The following PCLO variants were observed in gnomAD, a reference collection of about 807,000 sequenced individuals.
PCLO encodes protein piccolo.
PCLO carries 82 observed loss-of-function variants against 427.5 expected under a neutral mutation model. The ratio of observed to expected loss-of-function variants is 0.19; its 90% CI spans 0.16 to 0.23. PCLO has a LOEUF of 0.23. Among genes scored for constraint, PCLO ranks in the 10% least tolerant of loss-of-function variants. PCLO has a pLI of 1.00. For synonymous variants in PCLO, 2,357 were observed against 2,155.4 expected, an observed-to-expected ratio of 1.09 and a Z score of -2.59; for missense variants, 6,239 against 6,115.9, an observed-to-expected ratio of 1.02 and a Z score of -0.67.
At chr7:82,764,404 C>A (rs893273919) in intron 22 of PCLO, among the ~76,000 whole-genome samples, 7 of 151,798 alleles carry the variant, frequency 4.6e-5, no homozygotes, top group Non-Finnish European at 5.9e-5. Flanking sequence ...ACATAACATA[C>A]ACAATGATTA....
At chr7:82,897,052 A>G (rs928077265) in intron 9 of PCLO, among the ~76,000 whole-genome samples, 129 of 151,662 alleles carry the variant, frequency 8.5e-4, no homozygotes, top group Admixed American at 5.9e-4. Context: ...TTTGAGCATC[A>G]CATTTTGTTC....
At chr7:82,862,036 C>T (rs781049765) in intron 10 of PCLO, among the ~76,000 whole-genome samples, 47 of 151,726 alleles carry the variant, frequency 3.1e-4, no homozygotes, top group African/African-American at 9.9e-4. Context: ...AATCTAATGA[C>T]GCATCTTAAA....
At chr7:82,760,056 G>A (rs959462512) in intron 24 of PCLO, among the ~76,000 whole-genome samples, 2 of 151,908 alleles carry the variant, frequency 1.3e-5, no homozygotes, top group African/African-American at 2.4e-5. Context: ...AGCTTTGAAG[G>A]GGAGAAAAAA....
intron 10 of PCLO, among the ~76,000 whole-genome samples, chr7:82,877,466 T>C (rs1215694751): frequency 3.3e-5 from 5 of 152,164 alleles, no homozygotes; most frequent in Non-Finnish European, 5.9e-5. Flanking sequence ...TCTTAATTTA[T>C]ATATCCTTAT....
intron 22 of PCLO, 41 bp downstream of exon 22, chr7:82,801,477 G>T: frequency 3.0e-6 from 3 of 998,668 alleles, no homozygotes; most frequent in South Asian, 1.3e-5. Context: ...ACTGTAGAAT[G>T]CAGATTCAGC....
intron 3 of PCLO, among the ~76,000 whole-genome samples, chr7:82,987,490 A>G (rs1796282615): frequency 6.6e-6 from 1 of 152,084 alleles, no homozygotes; most frequent in Non-Finnish European, 1.5e-5. Flanking sequence ...ATTGTATGCC[A>G]AGAATAAGTA....
intron 7 of PCLO, among the ~76,000 whole-genome samples, chr7:82,913,140 ATTTTATTCAATTAAC>A (rs2116251731): frequency 6.6e-6 from 1 of 152,180 alleles, no homozygotes; most frequent in East Asian, 1.9e-4. Flanking sequence ...CAAATTGAGT[ATTTTATTCAATTAAC>A]TAATTGTCAA....
Position 83,162,872 on chromosome 7 carries a change from G to T in PCLO, c.-280C>A, listed in dbSNP as rs573429743. The T allele has an allele frequency of 7.6e-5, 37 of 489,722 alleles. No homozygotes were observed. The highest frequency in any genetic ancestry group is 5.4e-4 in the Middle Eastern group (1 of 1,866). 30.3% of individuals were successfully genotyped at this position (489,722 alleles called of 1,614,324 possible). A position where few individuals can be genotyped will look rare whatever the true frequency, so the allele number is the denominator to read the frequency against. On this transcript the variant is annotated 5_prime_UTR_variant, in exon 1 of 25. Coordinates refer to ENST00000333891, the MANE Select transcript of PCLO (RefSeq NM_033026.6). ...CGCCGCCTCGGCGCCCCGAGCCGGG[G>T]AGAAGCAGATCTGAGCGGTGCCAGC...
chr7:82,928,003 T>C (rs1038843710), intron 6 of PCLO, among the ~76,000 whole-genome samples: 2 of 152,202 alleles, frequency 1.3e-5, no homozygotes, highest in African/African-American at 4.8e-5. Context: ...ATTTATTCAT[T>C]TATCTATGTG....
intron 3 of PCLO, among the ~76,000 whole-genome samples, chr7:83,116,956 A>G (rs939142313): frequency 2.0e-5 from 3 of 152,222 alleles, no homozygotes; most frequent in African/African-American, 4.8e-5. Context: ...TCAATGGATG[A>G]ATGAATAAAG....
intron 22 of PCLO, among the ~76,000 whole-genome samples, chr7:82,777,028 A>G (rs1790768947): frequency 6.6e-6 from 1 of 151,840 alleles, no homozygotes; most frequent in African/African-American, 2.4e-5. Flanking sequence ...TTTAATGTTG[A>G]TGTTTAGTGC....
chr7:83,124,072 T>C (rs370954844), intron 3 of PCLO, among the ~76,000 whole-genome samples: 1 of 151,080 alleles, frequency 6.6e-6, no homozygotes, highest in East Asian at 2.0e-4. Flanking sequence ...ACTTCAGTAC[T>C]TTGGGAGGCG....
Position 82,863,903 on chromosome 7 carries a change from A to T in PCLO, c.13654+15434T>A, listed in dbSNP as rs910206017. 3.9e-5 allele frequency among the ~76,000 whole-genome samples: 6 copies of T among 152,066 alleles called. No homozygotes were observed. In the East Asian group the frequency reaches 5.8e-4, roughly 15 times the overall value. On this transcript the variant is annotated intron_variant, in intron 10 of 24. Coordinates refer to ENST00000333891, the MANE Select transcript of PCLO (RefSeq NM_033026.6). ...ACCTTCGGTATTAATAAGGAGCACCAATACAGGACTCACACAAAAAAGTTA... is the reference window on the plus strand; with the variant it reads ...ACCTTCGGTATTAATAAGGAGCACCTATACAGGACTCACACAAAAAAGTTA...
chr7:82,758,483 C>T lies in PCLO; in HGVS notation c.*92G>A, dbSNP rs1344701477. 5.5e-6 allele frequency: 6 copies of T among 1,091,466 alleles called. No homozygotes were observed. Among genetic ancestry groups the T allele is most frequent in the Non-Finnish European group, 7.7e-6 (6 of 781,086 alleles). 67.6% of individuals were successfully genotyped at this position (1,091,466 alleles called of 1,614,324 possible). A position where few individuals can be genotyped will look rare whatever the true frequency, so the allele number is the denominator to read the frequency against. The stretch of plus-strand genomic sequence containing the variant: ...GTTGTTCCCACTCTTATGTTTGCCT[C>T]TCAAAACTTAGCTTTGTACAATAGT... On this transcript the variant is annotated 3_prime_UTR_variant, in exon 25 of 25. Transcript: ENST00000333891.
chr7:82,820,531 A>T (rs1791766666), intron 20 of PCLO: 2 of 1,224,328 alleles, frequency 1.6e-6, no homozygotes, highest in African/African-American at 1.6e-5. Flanking sequence ...GGAGATTCAC[A>T]TGCCCAACAC....
chr7:82,952,942 T>G lies in PCLO; in HGVS notation c.8011A>C (p.Thr2671Pro), dbSNP rs10261848. ...ACCTCAGTCTTGGAAACTTCAGTAG[T>G]GAGAAACTGTGTAACTGATGTGGGA... ...AAPTSVTQFL[T>P]TEVSKTEVSA... Residue 2671 changes from threonine to proline, a missense_variant, in exon 5 of 25, where the codon ACT becomes CCT. By Grantham distance (38) the Thr-to-Pro change is conservative (BLOSUM62 -1). Around this residue, in one of 5 missense-constraint regions of PCLO, gnomAD observed 4,677 missense variants for 4,468.4 expected, o/e 1.05. Coordinates refer to ENST00000333891, the MANE Select transcript of PCLO (RefSeq NM_033026.6). 17,935 of 1,613,720 alleles carry G rather than the reference T, an allele frequency of 0.011. 1,701 individuals carry two copies. The African/African-American group carries it at 0.21, about 18-fold the overall frequency.
At position 82,915,388 on chromosome 7, in the gene PCLO, T is replaced by C. The variant is rs372391491; in HGVS notation, c.12598A>G (p.Met4200Val). The C allele has an allele frequency of 3.7e-6, 6 of 1,613,410 alleles. No homozygotes were observed. The highest frequency in any genetic ancestry group is 2.7e-5 in the African/African-American group (2 of 74,908). Residue 4200 changes from methionine (M) to valine (V), a missense_variant, in exon 7 of 25, where the codon ATG becomes GTG. By Grantham distance (21) the Met-to-Val change is conservative. Around this residue, in one of 5 missense-constraint regions of PCLO, gnomAD observed 680 missense variants for 677.3 expected, o/e 1.00. Coordinates refer to ENST00000333891, the MANE Select transcript of PCLO (RefSeq NM_033026.6). ...KHKKSLIDPK[M>V]SKFSPIQESR... ...TCTTGAATAGGTGAAAATTTTGACA[T>C]TTTAGGGTCAATTAGTGATTTCTTA...
At chr7:82,895,273 CT>C (rs1270023329) in intron 9 of PCLO, among the ~76,000 whole-genome samples, 1 of 151,248 alleles carries the variant, frequency 6.6e-6, no homozygotes, top group African/African-American at 2.4e-5. Context: ...ATTAAGAAAT[CT>C]TTTGAAGTGA....
intron 16 of PCLO, among the ~76,000 whole-genome samples, chr7:82,834,665 AT>A (rs149237935): frequency 0.034 from 5,252 of 152,286 alleles, 158 homozygotes; most frequent in African/African-American, 0.077. Context: ...GACACATTTA[AT>A]TTATAATGCA....
Sources: gnomAD v4.1 joint callset for allele counts (sites outside exome capture counted in the v4.1 genomes callset) on GRCh38, gnomAD v4.1.1 for gene constraint, gnomAD v4.1.1 regional missense constraint, MANE v1.5 for transcripts, NCBI Gene and HGNC (gene_info 2026-07-23, HGNC 2026-07-21) for gene names.